CDK6: variants seen among roughly 807,000 people sequenced by gnomAD.
CDK6 encodes cyclin dependent kinase 6.
In CDK6, 6 loss-of-function variants were observed where a neutral mutation model predicts 37.1. That is an observed-to-expected ratio of 0.16 (90% CI 0.09 to 0.32). The LOEUF (loss-of-function observed/expected upper bound fraction) is 0.32, where lower values mean the gene tolerates loss of function less well. Ranked by LOEUF, CDK6 falls within the 10% of genes least tolerant of loss-of-function variation. CDK6 has a pLI of 1.00. For synonymous variants in CDK6, 160 were observed against 161.3 expected (o/e 0.99, Z 0.06); for missense variants, 224 against 418.9 (o/e 0.53, Z 4.06).
chr7:92,686,274 C>T (rs1797451367), intron 4 of CDK6, among the ~76,000 whole-genome samples: 1 of 152,076 alleles, frequency 6.6e-6, no homozygotes, highest in Non-Finnish European at 1.5e-5. Flanking sequence ...TCTTTTATCT[C>T]TCACCCTCCT....
intron 2 of CDK6, among the ~76,000 whole-genome samples, chr7:92,792,715 A>G (rs1200484602): frequency 6.6e-6 from 1 of 152,056 alleles, no homozygotes; most frequent in Non-Finnish European, 1.5e-5. Context: ...AGAAGAGATG[A>G]AAATAAGATG....
At chr7:92,631,649 A>G (rs1796056250) in intron 5 of CDK6, among the ~76,000 whole-genome samples, 1 of 152,170 alleles carries the variant, frequency 6.6e-6, no homozygotes, top group Non-Finnish European at 1.5e-5. Context: ...GGTTAAATTA[A>G]TAGTCTGCAG....
intron 4 of CDK6, among the ~76,000 whole-genome samples, chr7:92,690,632 A>T (rs1177672998): frequency 6.6e-6 from 1 of 152,216 alleles, no homozygotes; most frequent in African/African-American, 2.4e-5. Flanking sequence ...CTCACATAAC[A>T]TCTATTAACA....
chr7:92,722,180 T>G (rs1180998125), intron 4 of CDK6, among the ~76,000 whole-genome samples: 2 of 152,092 alleles, frequency 1.3e-5, no homozygotes, highest in Non-Finnish European at 2.9e-5. Context: ...TATATATATA[T>G]TAACATAGAT....
intron 5 of CDK6, among the ~76,000 whole-genome samples, chr7:92,657,779 A>C (rs1805880232): frequency 6.6e-6 from 1 of 152,232 alleles, no homozygotes; most frequent in Admixed American, 6.5e-5. Flanking sequence ...GCAGTCGTGT[A>C]ATCATAGCTC....
At chr7:92,813,226 C>T (rs1055623214) in intron 2 of CDK6, among the ~76,000 whole-genome samples, 7 of 151,900 alleles carry the variant, frequency 4.6e-5, no homozygotes, top group Admixed American at 4.6e-4. Flanking sequence ...TGCCAGAATT[C>T]GTTTACTGGA....
At chr7:92,796,185 T>C (rs1800407492) in intron 2 of CDK6, among the ~76,000 whole-genome samples, 1 of 150,836 alleles carries the variant, frequency 6.6e-6, no homozygotes, top group Admixed American at 6.6e-5. Context: ...TTTTGAAAAA[T>C]ATAACCCTAG....
intron 5 of CDK6, among the ~76,000 whole-genome samples, chr7:92,638,782 C>G (rs1796235466): frequency 6.6e-6 from 1 of 152,160 alleles, no homozygotes; most frequent in Non-Finnish European, 1.5e-5. Context: ...TTGACCCCCC[C>G]AGAGTTAAAC....
intron 3 of CDK6, among the ~76,000 whole-genome samples, chr7:92,733,803 G>A (rs761230713): frequency 1.3e-5 from 2 of 152,008 alleles, no homozygotes; most frequent in Non-Finnish European, 2.9e-5. Context: ...TTTAACATCT[G>A]CAGGGAAAGT....
At chr7:92,695,925 T>A (rs915424236) in intron 4 of CDK6, among the ~76,000 whole-genome samples, 6 of 152,216 alleles carry the variant, frequency 3.9e-5, no homozygotes, top group Admixed American at 6.5e-5. Context: ...GACACCTCTC[T>A]CACGCACATC....
At chr7:92,761,962 T>C (rs1799466445) in intron 3 of CDK6, among the ~76,000 whole-genome samples, 1 of 152,248 alleles carries the variant, frequency 6.6e-6, no homozygotes, top group African/African-American at 2.4e-5. Context: ...GGGCTGTTAG[T>C]ATAGTGGCAA....
At chr7:92,778,857 T>C (rs1214405576) in intron 2 of CDK6, among the ~76,000 whole-genome samples, 3 of 149,476 alleles carry the variant, frequency 2.0e-5, no homozygotes, top group Non-Finnish European at 4.4e-5. Flanking sequence ...AAAATTACAT[T>C]GCTTACCACT....
At position 92,653,171 on chromosome 7, in the gene CDK6, C is replaced by T. The variant is rs149675822; in HGVS notation, c.647+18255G>A. On this transcript the variant is annotated intron_variant, in intron 5 of 7. Coordinates refer to ENST00000424848, the MANE Select transcript of CDK6 (RefSeq NM_001145306.2). ...CAAACATTTTTCCAAATGTGCTCCA[C>T]GTCAATCTTTGGAGTGAATTCCATG... Among the ~76,000 whole-genome samples, 910 of 152,334 alleles carry T rather than the reference C, an allele frequency of 6.0e-3. 4 individuals are homozygous for T. Among genetic ancestry groups the T allele is most frequent in the Middle Eastern group, 0.031 (9 of 294 alleles).
rs750908606 is a variant in CDK6, at chr7:92,618,207, G to A, written c.699C>T (p.Asp233=). 1.1e-5 allele frequency: 17 copies of A among 1,613,684 alleles called. No homozygotes were observed. Among genetic ancestry groups the A allele is most frequent in the African/African-American group, 4.0e-5 (3 of 74,896 alleles). The part of the protein sequence containing the change: ...SDVDQLGKIL[D]VIGLPGEEDW... ...CTTCTTCTCCTGGGAGTCCAATCAC[G>A]CTACAAAAGAACCACACATGGACAT... The change falls in exon 7 of 8, where the codon GAC becomes GAT. Residue 233 remains aspartate (D), a splice_region_variant and synonymous_variant. Coordinates refer to ENST00000424848, the MANE Select transcript of CDK6 (RefSeq NM_001145306.2).
At chr7:92,731,675 A>G (rs1258010100) in intron 3 of CDK6, among the ~76,000 whole-genome samples, 1 of 152,180 alleles carries the variant, frequency 6.6e-6, no homozygotes, top group Non-Finnish European at 1.5e-5. Flanking sequence ...AAATGAGAAC[A>G]GAACCCACTT....
chr7:92,696,222 T>C (rs1442751445), intron 4 of CDK6, among the ~76,000 whole-genome samples: 4 of 152,216 alleles, frequency 2.6e-5, no homozygotes, highest in Non-Finnish European at 4.4e-5. Context: ...GCTACAAGAG[T>C]GGGCTTCCTA....
chr7:92,747,585 TTG>T lies in CDK6; in HGVS notation c.370-21794_370-21793del, dbSNP rs1213303269. 3.3e-5 allele frequency among the ~76,000 whole-genome samples: 5 copies of T among 152,328 alleles called. No homozygotes were observed. The East Asian group carries it at 9.6e-4, about 29-fold the overall frequency. On this transcript the variant is annotated intron_variant, in intron 3 of 7. Coordinates refer to ENST00000424848, the MANE Select transcript of CDK6 (RefSeq NM_001145306.2). ...CTTCAAATCTCTGGCTTCTGCTGGCTTGTGTCACTCATGCCTCAGAGTAACAG... is the reference window on the plus strand; with the variant it reads ...CTTCAAATCTCTGGCTTCTGCTGGCTTGTCACTCATGCCTCAGAGTAACAG...
rs1371254388 is a variant in CDK6 at position 92,605,486 on chromosome 7, G to T, written c.*9654C>A. On this transcript the variant is annotated 3_prime_UTR_variant, in exon 8 of 8. Coordinates refer to ENST00000424848, the MANE Select transcript of CDK6 (RefSeq NM_001145306.2). ...TAATGATAGGGTACTTAAAGTTTTG[G>T]TGGTCCTTGAATGACATATTTTACG... 4.3e-6 allele frequency: 1 copy of T among 232,836 alleles called. No homozygotes were observed. The highest frequency in any genetic ancestry group is 2.2e-5 in the African/African-American group (1 of 45,308). The allele number at this position is 232,836 out of a possible 1,614,324, so 14.4% of individuals were successfully genotyped here. A position where few individuals can be genotyped will look rare whatever the true frequency, so the allele number is the denominator to read the frequency against.
rs371654137 is a variant in CDK6 at position 92,684,939 on chromosome 7, G to C, written c.538-13404C>G. 1.4e-4 allele frequency among the ~76,000 whole-genome samples: 21 copies of C among 151,876 alleles called. No individual in the cohort carries two copies. In the East Asian group the frequency reaches 3.3e-3, roughly 24 times the overall value. ...TGTATGGACTCGACGACATTATCTA[G>C]ATTTTACCATCTGATTTCAAAGTTG... is the stretch of plus-strand genomic sequence containing the variant. On this transcript the variant is annotated intron_variant, in intron 4 of 7. Transcript: ENST00000424848.
Sources: gnomAD v4.1 joint callset for allele counts (sites outside exome capture counted in the v4.1 genomes callset) on GRCh38, gnomAD v4.1.1 for gene constraint, MANE v1.5 for transcripts, NCBI Gene and HGNC (gene_info 2026-07-23, HGNC 2026-07-21) for gene names.